The following TSPAN10 variants were observed in gnomAD, a reference collection of about 807,000 sequenced individuals.
TSPAN10 encodes the protein tetraspanin-10.
A neutral mutation model predicts 15.0 loss-of-function variants in TSPAN10; 11 were observed. That is an observed-to-expected ratio of 0.73 (90% CI 0.46 to 1.21). TSPAN10 has a LOEUF of 1.21. TSPAN10 is among the 50% of genes most tolerant of loss of function. The probability of loss-of-function intolerance (pLI) is 0.00; values close to 1 mark genes in which losing one functional copy is unlikely to be tolerated. For missense variants in TSPAN10, 486 were observed against 470.6 expected, an observed-to-expected ratio of 1.03 and a Z score of -0.30; for synonymous variants, 241 against 226.2, an observed-to-expected ratio of 1.07 and a Z score of -0.59.
chr17:81,639,937 G>A (rs1344900146), upstream of TSPAN10, among the ~76,000 whole-genome samples: 12 of 151,132 alleles, frequency 7.9e-5, no homozygotes, highest in African/African-American at 1.7e-4. Context: ...CCGAGATCAC[G>A]CCACTGCGCT....
chr17:81,637,474 A>G (rs1201328884), upstream of TSPAN10: 1 of 681,358 alleles, frequency 1.5e-6, no homozygotes, highest in Admixed American at 2.2e-5. Flanking sequence ...AGTATTTTTT[A>G]AATTTAACAT....
intron 2 of TSPAN10, chr17:81,647,322 G>A (rs2036268332): frequency 2.3e-6 from 1 of 429,476 alleles, no homozygotes; most frequent in South Asian, 1.7e-5. Flanking sequence ...GGTCTGCTGG[G>A]CCCGTGTGCA....
At chr17:81,648,117 C>T (rs2036283715) in exon 3 of TSPAN10, 2 of 1,559,612 alleles carry the variant, frequency 1.3e-6, no homozygotes, top group Non-Finnish European at 1.7e-6. Context: ...CGGGCGGCTA[C>T]GCAATCGCGG....
rs2036214555 is a variant in TSPAN10 at position 81,644,345 on chromosome 17, CCTGTTGGG to C, written c.37-645_37-638del. 9.6e-5 allele frequency among the ~76,000 whole-genome samples: 4 copies of C among 41,656 alleles called. No individual in the cohort carries two copies. The South Asian group carries it at 5.2e-3, about 55-fold the overall frequency. The allele number at this position is 41,656 out of a possible 152,430, so 27.3% of individuals were successfully genotyped here. On this transcript the variant is annotated intron_variant, in intron 1 of 2. Coordinates refer to ENST00000611590, the Ensembl canonical transcript of TSPAN10. ...GGCACCCTCCTCCCTGTCCTGGGAG[CCTGTTGGG>C]CAGGGCACTGTCCTGTCCTCGGCAG...
chr17:81,646,038 C>A (rs552287627), intron 2 of TSPAN10: 2 of 301,910 alleles, frequency 6.6e-6, no homozygotes, highest in South Asian at 3.2e-5. Flanking sequence ...CTGTTCCCCC[C>A]GCCAGGGCCA....
At chr17:81,645,181 G>A (rs113368083) in exon 2 of TSPAN10, 16 of 1,548,930 alleles carry the variant, frequency 1.0e-5, no homozygotes, top group Admixed American at 4.4e-5. Flanking sequence ...GAGCAGCTGC[G>A]TCAAGTATCT....
At position 81,645,740 on chromosome 17, in the gene TSPAN10, C is replaced by T. The variant is rs554214892; in HGVS notation, c.674+111C>T. 84 of 1,294,732 alleles carry T rather than the reference C, an allele frequency of 6.5e-5. No homozygotes were observed. The East Asian group carries it at 1.9e-3, about 30-fold the overall frequency. The allele number at this position is 1,294,732 out of a possible 1,614,324, so 80.2% of individuals were successfully genotyped here. ...ACGTACATACTCATTCGTGCATGCC[C>T]ACATGCATGCACACGTATACCCACA... On this transcript the variant is annotated intron_variant, in intron 2 of 2. Coordinates refer to ENST00000611590, the Ensembl canonical transcript of TSPAN10.
chr17:81,641,204 T>A (rs12603317), upstream of TSPAN10, among the ~76,000 whole-genome samples: 76,720 of 151,498 alleles, frequency 0.51, 21,300 homozygotes, highest in East Asian at 0.99. Context: ...ACAGACTGAG[T>A]TGGAGGCCGT....
chr17:81,637,275 C>G, exon 1 of TSPAN10: 1 of 552,758 alleles, frequency 1.8e-6, no homozygotes, highest in South Asian at 2.1e-5. Context: ...CTCGGAAACC[C>G]AAGCGGCACA....
chr17:81,637,688 C>G, upstream of TSPAN10: 1 of 267,406 alleles, frequency 3.7e-6, no homozygotes, highest in Non-Finnish European at 7.3e-6. Context: ...AATCCCAGCA[C>G]TTTGGGAGGC....
upstream of TSPAN10, chr17:81,638,031 A>G (rs1381909674): frequency 1.4e-5 from 2 of 147,484 alleles, no homozygotes; most frequent in African/African-American, 5.1e-5. Context: ...ATTTCACAAC[A>G]TCACAATTAC....
chr17:81,637,443 AC>A (rs1184315607), upstream of TSPAN10: 39 of 648,428 alleles, frequency 6.0e-5, no homozygotes, highest in Admixed American at 1.2e-4. Flanking sequence ...GCAGGATCAC[AC>A]CTTCATGTTT....
chr17:81,643,247 C>T (rs2036199008), intron 1 of TSPAN10, among the ~76,000 whole-genome samples: 1 of 150,128 alleles, frequency 6.7e-6, no homozygotes, highest in Admixed American at 6.6e-5. Flanking sequence ...ATCCACCCGC[C>T]TCGGCCTCCC....
chr17:81,646,126 T>C, intron 2 of TSPAN10: 1 of 226,656 alleles, frequency 4.4e-6, no homozygotes, highest in Non-Finnish European at 8.6e-6. Context: ...GCACGATGGC[T>C]CACACCTGTA....
At chr17:81,642,912 G>A (rs2036192915) in intron 1 of TSPAN10, among the ~76,000 whole-genome samples, 1 of 151,900 alleles carries the variant, frequency 6.6e-6, no homozygotes, top group South Asian at 2.1e-4. Flanking sequence ...AGCACTTTGG[G>A]AGGCTGAGGA....
exon 2 of TSPAN10, chr17:81,645,584 T>C (rs1598711435): frequency 6.2e-7 from 1 of 1,612,734 alleles, no homozygotes; most frequent in Non-Finnish European, 8.5e-7. Context: ...CAGCTCGGGC[T>C]GAGGTGCTGC....
chr17:81,644,240 C>T (rs1243886895), intron 1 of TSPAN10, among the ~76,000 whole-genome samples: 1 of 152,130 alleles, frequency 6.6e-6, no homozygotes, highest in Non-Finnish European at 1.5e-5. Flanking sequence ...AGAGAGAGAC[C>T]AGCAAGCCTT....
chr17:81,639,426 T>C (rs112611636), upstream of TSPAN10, among the ~76,000 whole-genome samples: 1,277 of 151,750 alleles, frequency 8.4e-3, 28 homozygotes, highest in African/African-American at 0.03. Flanking sequence ...AAGGCTGGTC[T>C]CGATCTCCTG....
At chr17:81,645,066 G>C (rs534960510) in exon 2 of TSPAN10, 1 of 1,595,824 alleles carries the variant, frequency 6.3e-7, no homozygotes, top group South Asian at 1.1e-5. Context: ...TGCCCAGGGA[G>C]GACCAGGCGG....
Sources: allele counts gnomAD v4.1 joint callset (sites outside exome capture counted in the v4.1 genomes callset), GRCh38; gene constraint gnomAD v4.1.1; transcripts MANE v1.5; gene names NCBI Gene and HGNC (gene_info 2026-07-23, HGNC 2026-07-21).